Variants in DCLK2 observed in about 807,000 individuals in gnomAD.
The protein encoded by DCLK2 is serine/threonine-protein kinase DCLK2.
In DCLK2, 31 loss-of-function variants were observed where a neutral mutation model predicts 78.4. The observed-to-expected ratio is 0.40, with a 90% confidence interval of 0.30 to 0.53. The LOEUF (loss-of-function observed/expected upper bound fraction) is 0.53. Ranked by LOEUF, DCLK2 falls within the 20% of genes least tolerant of loss-of-function variation. The pLI is 0.61. For missense variants in DCLK2, 872 were observed against 973.7 expected (o/e 0.90, Z 1.39); for synonymous variants, 407 against 374.9 (o/e 1.09, Z -0.99).
chr4:150,213,919 G>T (rs1740494139), intron 5 of DCLK2, among the ~76,000 whole-genome samples: 1 of 152,152 alleles, frequency 6.6e-6, no homozygotes, highest in South Asian at 2.1e-4. Context: ...TCAGCCCTGG[G>T]TTTGGATTCT....
intron 2 of DCLK2, among the ~76,000 whole-genome samples, chr4:150,150,187 G>A (rs942789194): frequency 3.3e-5 from 5 of 152,090 alleles, no homozygotes; most frequent in Non-Finnish European, 7.4e-5. Context: ...ATTTCAGAAA[G>A]GTCAAGATAA....
chr4:150,248,419 C>G (rs746745438), intron 14 of DCLK2, 34 bp downstream of exon 14: 4 of 1,559,452 alleles, frequency 2.6e-6, no homozygotes, highest in African/African-American at 1.4e-5. Flanking sequence ...ATGGGCCTCA[C>G]TGTGCTCTGT....
At chr4:150,137,279 C>T (rs1006836052) in intron 2 of DCLK2, among the ~76,000 whole-genome samples, 1 of 152,168 alleles carries the variant, frequency 6.6e-6, no homozygotes, top group African/African-American at 2.4e-5. Flanking sequence ...TCTCATCCTG[C>T]TTCCACCAGC....
chr4:150,222,615 G>A (rs1319183078), intron 7 of DCLK2, among the ~76,000 whole-genome samples: 8 of 152,084 alleles, frequency 5.3e-5, no homozygotes, highest in Non-Finnish European at 8.8e-5. Context: ...GGAGGCTGAG[G>A]TGTGTGGATT....
At chr4:150,217,385 T>G (rs1740800621) in intron 5 of DCLK2, among the ~76,000 whole-genome samples, 1 of 152,202 alleles carries the variant, frequency 6.6e-6, no homozygotes, top group South Asian at 2.1e-4. Context: ...CTTCTACCTC[T>G]GGAAAGCCAA....
In DCLK2 at chr4:150,220,838, C is replaced by T; in HGVS notation, c.1132+60C>T. On this transcript the variant is annotated intron_variant, in intron 6 of 15. Coordinates refer to ENST00000296550, the MANE Select transcript of DCLK2 (RefSeq NM_001040260.4). ...AAATCATGCATGGGGACTTGGTGCT[C>T]ACCTAAAACTCACTTGTGCTAAATT... 7.7e-6 allele frequency: 10 copies of T among 1,306,006 alleles called. No homozygotes were observed. In the South Asian group the frequency reaches 1.2e-4, roughly 16 times the overall value. The allele number at this position is 1,306,006 out of a possible 1,614,324, so 80.9% of individuals were successfully genotyped here.
intron 2 of DCLK2, among the ~76,000 whole-genome samples, chr4:150,133,525 G>A (rs183901294): frequency 4.6e-5 from 7 of 152,328 alleles, no homozygotes; most frequent in Non-Finnish European, 1.0e-4. Flanking sequence ...TAAGTTTACT[G>A]TTTGGTTTTA....
At chr4:150,124,968 A>C (rs1732816668) in intron 2 of DCLK2, among the ~76,000 whole-genome samples, 1 of 152,224 alleles carries the variant, frequency 6.6e-6, no homozygotes, top group Non-Finnish European at 1.5e-5. Flanking sequence ...ATTTGATTTA[A>C]ATATATTTAT....
chr4:150,081,062 TTGAC>T (rs767337412), intron 1 of DCLK2, among the ~76,000 whole-genome samples: 8 of 152,230 alleles, frequency 5.3e-5, no homozygotes, highest in Non-Finnish European at 7.3e-5. Context: ...AACCAGTTGT[TTGAC>T]TGACCCAAGA....
chr4:150,178,587 A>C (rs1048371243), intron 2 of DCLK2, among the ~76,000 whole-genome samples: 2 of 152,206 alleles, frequency 1.3e-5, no homozygotes, highest in African/African-American at 4.8e-5. Flanking sequence ...TTGAAAATGA[A>C]AATTTAGATT....
rs376329023 is a variant in DCLK2, at chr4:150,102,469, G to T, written c.422-9G>T. 21 of 1,604,758 alleles carry T rather than the reference G, an allele frequency of 1.3e-5. No homozygotes were observed. The highest frequency in any genetic ancestry group is 1.8e-5 in the Non-Finnish European group (21 of 1,174,836). ...AATCATGCTAATAAAATCAAATTTT[G>T]CTTTTTAGGTGAGAGTTACGTGTGT... is the stretch of plus-strand genomic sequence containing the variant. On this transcript the variant is annotated splice_polypyrimidine_tract_variant and intron_variant, in intron 1 of 15. Transcript: ENST00000296550.
chr4:150,124,861 T>C (rs1732810428), intron 2 of DCLK2, among the ~76,000 whole-genome samples: 1 of 152,240 alleles, frequency 6.6e-6, no homozygotes, highest in Non-Finnish European at 1.5e-5. Flanking sequence ...AATGTCTTAA[T>C]TACTTCTTGA....
intron 4 of DCLK2, among the ~76,000 whole-genome samples, chr4:150,201,718 G>A (rs899577002): frequency 2.6e-5 from 4 of 152,184 alleles, no homozygotes; most frequent in African/African-American, 9.6e-5. Context: ...ATCAGTGTGG[G>A]ATTGGAATAC....
intron 2 of DCLK2, among the ~76,000 whole-genome samples, chr4:150,149,580 A>G (rs1734742877): frequency 6.6e-6 from 1 of 152,222 alleles, no homozygotes; most frequent in Admixed American, 6.5e-5. Context: ...CCTGGCATGA[A>G]GGGAGGTATT....
At chr4:150,221,151 T>G (rs553442042) in intron 6 of DCLK2, among the ~76,000 whole-genome samples, 21 of 152,172 alleles carry the variant, frequency 1.4e-4, no homozygotes, top group Non-Finnish European at 2.5e-4. Flanking sequence ...GGGCAGATCT[T>G]AACCCTTCCC....
intron 1 of DCLK2, among the ~76,000 whole-genome samples, chr4:150,101,552 A>G (rs889817583): frequency 6.6e-6 from 1 of 152,172 alleles, no homozygotes; most frequent in African/African-American, 2.4e-5. Context: ...AAACCTTAGT[A>G]TAACCCTCTT....
rs539203762 is a variant in DCLK2 at position 150,186,696 on chromosome 4, T to C, written c.757-6442T>C. ...TTATCAGATGTTCTACATTAAAAAGTATCAACTGAATTTGGGCCACTACTA... is the reference window on the plus strand; with the variant it reads ...TTATCAGATGTTCTACATTAAAAAGCATCAACTGAATTTGGGCCACTACTA... On this transcript the variant is annotated intron_variant, in intron 2 of 15. Transcript: ENST00000296550. 2.6e-5 allele frequency among the ~76,000 whole-genome samples: 4 copies of C among 152,314 alleles called. No homozygotes were observed. The South Asian group carries it at 8.3e-4, about 32-fold the overall frequency.
rs199512782 is a variant in DCLK2, at chr4:150,215,454, T to G, written c.1057-5249T>G. The stretch of plus-strand genomic sequence containing the variant: ...GAGTTCCCATGACCCCTCTTTGGGT[T>G]TGATTAATTTGCATTTCACTGAACA... On this transcript the variant is annotated intron_variant, in intron 5 of 15. Transcript: ENST00000296550. Among the ~76,000 whole-genome samples the G allele has an allele frequency of 1.1e-4, 16 of 152,324 alleles. No homozygotes were observed. In the East Asian group the frequency reaches 3.1e-3, roughly 29 times the overall value.
In DCLK2 at chr4:150,097,496, T is replaced by C. The variant is rs991913000; in HGVS notation, c.422-4982T>C. On this transcript the variant is annotated intron_variant, in intron 1 of 15. Transcript: ENST00000296550. ...CTAGCTTTTAATGACCTCTTTCTTCTTGAATAAGAGGCAGTTCATTTGGTT... is the reference window on the plus strand; with the variant it reads ...CTAGCTTTTAATGACCTCTTTCTTCCTGAATAAGAGGCAGTTCATTTGGTT... 2.6e-5 allele frequency among the ~76,000 whole-genome samples: 4 copies of C among 152,312 alleles called. No individual in the cohort carries two copies. In the South Asian group the frequency reaches 8.3e-4, roughly 32 times the overall value.
Sources: allele counts gnomAD v4.1 joint callset (sites outside exome capture counted in the v4.1 genomes callset), GRCh38; gene constraint gnomAD v4.1.1; transcripts MANE v1.5; gene names NCBI Gene and HGNC (gene_info 2026-07-23, HGNC 2026-07-21).